PLCD4: variants seen among roughly 807,000 people sequenced by gnomAD.
PLCD4 encodes 1-phosphatidylinositol 4,5-bisphosphate phosphodiesterase delta-4.
In PLCD4, 63 loss-of-function variants were observed where a neutral mutation model predicts 90.2. That is an observed-to-expected ratio of 0.70 (90% CI 0.57 to 0.86). PLCD4 has a LOEUF of 0.86. Ranked by LOEUF, PLCD4 falls within the 40% of genes least tolerant of loss-of-function variation. The pLI, the probability that PLCD4 is intolerant of heterozygous loss-of-function variation, is 0.00. For missense variants in PLCD4, 830 were observed against 956.3 expected (o/e 0.87, Z 1.74); for synonymous variants, 294 against 356.5 (o/e 0.82, Z 1.97).
chr2:218,634,390 C>T lies in PLCD4; in HGVS notation c.1724-68C>T. ...GTGCACCCAGTACCTATCTTCTTAA[C>T]TCCCTGAAAGAGGGGCTGGAAGGCC... On this transcript the variant is annotated intron_variant, in intron 12 of 15. Transcript: ENST00000450993. This position sits in a 1 kb window ranked among gnomAD's most constrained non-coding sequence, Gnocchi z 4.0. 2 of 1,577,514 alleles carry T rather than the reference C, an allele frequency of 1.3e-6. No homozygotes were observed. Among genetic ancestry groups the T allele is most frequent in the South Asian group, 1.2e-5 (1 of 84,824 alleles).
intron 4 of PLCD4, among the ~76,000 whole-genome samples, chr2:218,619,515 G>A (rs186348121): frequency 3.9e-5 from 6 of 152,050 alleles, no homozygotes; most frequent in Admixed American, 3.3e-4. Flanking sequence ...GGCTGGTCTC[G>A]AACTCTGGAC....
rs751017429 is a variant in PLCD4, at chr2:218,632,274, C to T, written c.1411C>T (p.Pro471Ser). Reference sequence around the variant, plus strand: ...GTCCCAGTTTGAGACTGAGCCTGAGCCCCAGGAGCAGAACCTTCAGAATAA... The same window carrying T: ...GTCCCAGTTTGAGACTGAGCCTGAGTCCCAGGAGCAGAACCTTCAGAATAA... Reference protein sequence around the residue: ...LESQFETEPEPQEQNLQNKDK... With the variant: ...LESQFETEPESQEQNLQNKDK... Residue 471 changes from proline (P) to serine (S), a missense_variant, in exon 10 of 16, where the codon CCC (proline) becomes TCC (serine). Transcript: ENST00000450993. The T allele has an allele frequency of 3.1e-6, 5 of 1,611,148 alleles. No individual in the cohort carries two copies. The highest frequency in any genetic ancestry group is 1.1e-5 in the South Asian group (1 of 90,268).
intron 8 of PLCD4, among the ~76,000 whole-genome samples, chr2:218,630,132 C>T (rs1056860487): frequency 1.3e-5 from 2 of 152,298 alleles, no homozygotes; most frequent in Non-Finnish European, 2.9e-5. Flanking sequence ...GAGCCGAGAT[C>T]GCACCAGTGC....
At chr2:218,630,902 C>T in intron 9 of PLCD4, 100 bp downstream of exon 9, 2 of 1,306,078 alleles carry the variant, frequency 1.5e-6, no homozygotes, top group Non-Finnish European at 2.1e-6. Flanking sequence ...TTCTTTCTAT[C>T]CTCGGATGGA....
chr2:218,618,534 T>C (rs768633008), intron 3 of PLCD4, 45 bp from the exon 4 acceptor site: 3 of 1,551,106 alleles, frequency 1.9e-6, no homozygotes, highest in Non-Finnish European at 2.7e-6. Context: ...CTGCTATTTG[T>C]TGGAATCCCT....
At chr2:218,630,942 T>C (rs762731641) in intron 9 of PLCD4, 140 bp downstream of exon 9, 157 of 899,558 alleles carry the variant, frequency 1.7e-4, no homozygotes, top group Non-Finnish European at 2.3e-4. Flanking sequence ...CCTTGGATCC[T>C]TGGAGACAAT....
At chr2:218,614,707 T>G (rs998529563) in intron 1 of PLCD4, among the ~76,000 whole-genome samples, 1 of 151,598 alleles carries the variant, frequency 6.6e-6, no homozygotes, top group Non-Finnish European at 1.5e-5. Flanking sequence ...AGCCTCGGCC[T>G]CCCAAATTGC....
chr2:218,630,239 A>T (rs1034226258), intron 8 of PLCD4, among the ~76,000 whole-genome samples: 1 of 152,230 alleles, frequency 6.6e-6, no homozygotes, highest in Non-Finnish European at 1.5e-5. Flanking sequence ...CTTCTGGAAG[A>T]GGTGGATAGG....
chr2:218,633,872 A>ACCACC, intron 11 of PLCD4, 111 bp downstream of exon 11: 9 of 1,369,044 alleles, frequency 6.6e-6, no homozygotes, highest in Admixed American at 2.0e-5. Context: ...GGAGAGATGA[A>ACCACC]GGAGTTCAGA....
At position 218,630,733 on chromosome 2, in the gene PLCD4, G is replaced by T; in HGVS notation, c.1203G>T (p.Glu401Asp). 6.2e-7 allele frequency: 1 copy of T among 1,614,036 alleles called. No homozygotes were observed. Among genetic ancestry groups the T allele is most frequent in the Admixed American group, 1.7e-5 (1 of 60,022 alleles). ...QQQTMARHLT[E>D]ILGEQLLSTT... ...AGACCATGGCCCGTCATCTGACTGA[G>T]ATCCTGGGGGAGCAGCTGCTGAGCA... The change falls in exon 9 of 16, where the codon GAG (glutamate) becomes GAT (aspartate). Residue 401 changes from glutamate to aspartate, a missense_variant. Glu to Asp is a conservative substitution (Grantham distance 45). Coordinates refer to ENST00000450993, the MANE Select transcript of PLCD4 (RefSeq NM_032726.4).
At chr2:218,615,244 GTC>G (rs1405275721) in intron 1 of PLCD4, among the ~76,000 whole-genome samples, 18 of 152,130 alleles carry the variant, frequency 1.2e-4, no homozygotes, top group African/African-American at 3.4e-4. Flanking sequence ...GAAAAAGAAA[GTC>G]TGCACTAGCC....
At chr2:218,609,073 G>A (rs1695215951) in intron 1 of PLCD4, among the ~76,000 whole-genome samples, 1 of 151,478 alleles carries the variant, frequency 6.6e-6, no homozygotes, top group Non-Finnish European at 1.5e-5. Flanking sequence ...ACCCCGGGGG[G>A]CGGAGCCTGC....
chr2:218,624,876 C>T (rs766989062), intron 6 of PLCD4, among the ~76,000 whole-genome samples: 9 of 151,612 alleles, frequency 5.9e-5, no homozygotes, highest in East Asian at 1.9e-4. Flanking sequence ...TTTGGGAGGC[C>T]GAGGCAGGAG....
chr2:218,626,425 C>T (rs1348212240), intron 6 of PLCD4, among the ~76,000 whole-genome samples: 1 of 152,312 alleles, frequency 6.6e-6, no homozygotes, highest in East Asian at 1.9e-4. Context: ...CTGCACAGCC[C>T]AGTGGTGCAG....
chr2:218,612,872 G>A (rs1312157383), intron 1 of PLCD4, among the ~76,000 whole-genome samples: 1 of 152,190 alleles, frequency 6.6e-6, no homozygotes, highest in Non-Finnish European at 1.5e-5. Context: ...TCACTACTAG[G>A]TGACTTTATA....
chr2:218,627,801 C>G (rs548140444), intron 6 of PLCD4, among the ~76,000 whole-genome samples: 4 of 152,252 alleles, frequency 2.6e-5, no homozygotes, highest in African/African-American at 9.6e-5. Context: ...CGTGAGGCAC[C>G]GCGCCCAGCC....
At chr2:218,610,581 A>G (rs1695288340) in intron 1 of PLCD4, among the ~76,000 whole-genome samples, 1 of 152,192 alleles carries the variant, frequency 6.6e-6, no homozygotes, top group Admixed American at 6.5e-5. Context: ...TACAGAGGGA[A>G]CAGAAAGTGA....
rs1228606913 is a variant in PLCD4 at position 218,634,968 on chromosome 2, G to A, written c.1896+338G>A. Among the ~76,000 whole-genome samples the A allele has an allele frequency of 6.6e-6, 1 of 152,158 alleles. No individual in the cohort carries two copies. The highest frequency in any genetic ancestry group is 1.5e-5 in the Non-Finnish European group (1 of 68,022). ...GCTATAAAAGAGGCTGGCTGGGAGC[G>A]ATAGCTTACACCTGTAATCCCAGCG... On this transcript the variant is annotated intron_variant, in intron 13 of 15. Transcript: ENST00000450993. This position sits in a 1 kb window ranked among gnomAD's most constrained non-coding sequence, Gnocchi z 4.0.
chr2:218,624,751 A>T (rs1696031840), intron 6 of PLCD4, among the ~76,000 whole-genome samples: 1 of 151,594 alleles, frequency 6.6e-6, no homozygotes, highest in South Asian at 2.1e-4. Context: ...AAAAGAAAAA[A>T]AAGAATGGAG....
Sources: allele counts gnomAD v4.1 joint callset (sites outside exome capture counted in the v4.1 genomes callset), GRCh38; gene constraint gnomAD v4.1.1; non-coding constraint Gnocchi (gnomAD v3.1); transcripts MANE v1.5; gene names NCBI Gene and HGNC (gene_info 2026-07-23, HGNC 2026-07-21).